The following DLGAP1 variants were observed in gnomAD, a reference collection of about 807,000 sequenced individuals.
DLGAP1 encodes the protein disks large-associated protein 1.
In DLGAP1, 11 loss-of-function variants were observed where a neutral mutation model predicts 90.8. The observed-to-expected ratio is 0.12, with a 90% confidence interval of 0.08 to 0.20. The LOEUF (loss-of-function observed/expected upper bound fraction) is 0.20, where lower values mean the gene tolerates loss of function less well. Ranked by LOEUF, DLGAP1 falls within the 10% of genes least tolerant of loss-of-function variation. DLGAP1 has a pLI of 1.00. For synonymous variants in DLGAP1, 558 were observed against 540.7 expected (o/e 1.03, Z -0.44); for missense variants, 1,050 against 1,333.8 (o/e 0.79, Z 3.31).
intron 5 of DLGAP1, among the ~76,000 whole-genome samples, chr18:3,800,913 G>A (rs2066258871): frequency 6.6e-6 from 1 of 152,052 alleles, no homozygotes; most frequent in Non-Finnish European, 1.5e-5. Context: ...ACTTGAAGCT[G>A]GGTAATTTAT....
intron 7 of DLGAP1, among the ~76,000 whole-genome samples, chr18:3,601,980 G>A (rs2057060069): frequency 2.0e-5 from 3 of 152,088 alleles, no homozygotes; most frequent in Admixed American, 6.6e-5. Context: ...CTGCACTCCA[G>A]CCTGGGCTAC....
chr18:3,800,301 C>T (rs866613374), intron 5 of DLGAP1, among the ~76,000 whole-genome samples: 1 of 152,212 alleles, frequency 6.6e-6, no homozygotes, highest in South Asian at 2.1e-4. Context: ...CCTGTACTCC[C>T]ATGACCATGC....
intron 3 of DLGAP1, among the ~76,000 whole-genome samples, chr18:3,928,532 G>A (rs183057578): frequency 5.9e-5 from 9 of 152,196 alleles, no homozygotes; most frequent in East Asian, 1.9e-4. Flanking sequence ...GAATAGCTCC[G>A]TCATATAGAG....
rs79148977 is a variant in DLGAP1, at chr18:4,319,229, G to A, written c.-267+135777C>T. Among the ~76,000 whole-genome samples the A allele has an allele frequency of 2.6e-3, 393 of 152,196 alleles. 7 individuals are homozygous for A. In the East Asian group the frequency reaches 0.034, roughly 13 times the overall value. ...TTGTTTTACTAAGAGCTACCTCTGT[G>A]GTAACAGTTTAAAAATTTATAAATG... is the stretch of plus-strand genomic sequence containing the variant. On this transcript the variant is annotated intron_variant, in intron 1 of 12. Transcript: ENST00000315677.
intron 1 of DLGAP1, among the ~76,000 whole-genome samples, chr18:4,268,869 T>C (rs2079191163): frequency 6.6e-6 from 1 of 152,094 alleles, no homozygotes; most frequent in Non-Finnish European, 1.5e-5. Flanking sequence ...TTTTAAGAAA[T>C]TACACAATAC....
chr18:3,832,060 A>C (rs544362427), intron 4 of DLGAP1, among the ~76,000 whole-genome samples: 179 of 152,334 alleles, frequency 1.2e-3, no homozygotes, highest in African/African-American at 4.1e-3. Context: ...TTTGATGGTA[A>C]AAACTGTAAT....
chr18:3,719,143 T>C (rs942999054), intron 7 of DLGAP1, among the ~76,000 whole-genome samples: 9 of 152,098 alleles, frequency 5.9e-5, no homozygotes, highest in African/African-American at 2.2e-4. Context: ...GCAAAGAGAC[T>C]TGAAGGGAGG....
At chr18:3,926,351 C>G (rs1001824861) in intron 3 of DLGAP1, among the ~76,000 whole-genome samples, 2 of 151,566 alleles carry the variant, frequency 1.3e-5, no homozygotes, top group African/African-American at 4.9e-5. Context: ...GCCAAATGTC[C>G]CTGGGGGCAA....
chr18:3,673,801 C>T (rs2060186838), intron 7 of DLGAP1, among the ~76,000 whole-genome samples: 1 of 151,348 alleles, frequency 6.6e-6, no homozygotes, highest in Non-Finnish European at 1.5e-5. Flanking sequence ...CTGCCTCGGC[C>T]TCCCAAAGTG....
intron 3 of DLGAP1, among the ~76,000 whole-genome samples, chr18:3,919,112 G>T (rs2072211723): frequency 6.6e-6 from 1 of 152,220 alleles, no homozygotes; most frequent in Non-Finnish European, 1.5e-5. Flanking sequence ...CAACAAGAAA[G>T]ATTGGTCAAA....
intron 3 of DLGAP1, among the ~76,000 whole-genome samples, chr18:3,919,899 CAT>C (rs1292759753): frequency 6.6e-6 from 1 of 152,204 alleles, no homozygotes; most frequent in Non-Finnish European, 1.5e-5. Flanking sequence ...AGAGTGAACA[CAT>C]AGCACTGTGA....
intron 3 of DLGAP1, among the ~76,000 whole-genome samples, chr18:3,905,607 TCCCATTGC>T (rs1374676949): frequency 6.6e-6 from 1 of 152,080 alleles, no homozygotes. Flanking sequence ...TAAAAGTTAT[TCCCATTGC>T]CCCTCTGGAA....
chr18:3,568,887 T>C lies in DLGAP1; in HGVS notation c.1966-1306A>G, dbSNP rs370169564. Among the ~76,000 whole-genome samples, 563 of 151,648 alleles carry C rather than the reference T, an allele frequency of 3.7e-3. 2 individuals are homozygous for C. The highest frequency in any genetic ancestry group is 0.015 in the East Asian group (78 of 5,122). On this transcript the variant is annotated intron_variant, in intron 8 of 12. Transcript: ENST00000315677. ...ATTTTTAGTAGAGACGGGGTTTCAC[T>C]GTGTTAGCCAGGATGGTCTCGATCT... is the stretch of plus-strand genomic sequence containing the variant.
intron 7 of DLGAP1, among the ~76,000 whole-genome samples, chr18:3,602,545 A>C (rs2057111687): frequency 7.1e-6 from 1 of 140,416 alleles, no homozygotes; most frequent in African/African-American, 2.6e-5. Flanking sequence ...CAGGGAGCCG[A>C]GATCGCGCCA....
chr18:3,743,575 C>T (rs1417187422), intron 5 of DLGAP1, among the ~76,000 whole-genome samples: 1 of 151,934 alleles, frequency 6.6e-6, no homozygotes. Flanking sequence ...AGGATGGTCT[C>T]GATCTCCTGA....
At chr18:4,151,798 T>C (rs1346135141) in intron 1 of DLGAP1, among the ~76,000 whole-genome samples, 1 of 152,202 alleles carries the variant, frequency 6.6e-6, no homozygotes, top group African/African-American at 2.4e-5. Context: ...AGTGTGCTAC[T>C]AGAGACTTGC....
intron 2 of DLGAP1, among the ~76,000 whole-genome samples, chr18:4,043,955 C>T (rs141779141): frequency 3.4e-4 from 52 of 152,196 alleles, no homozygotes; most frequent in Non-Finnish European, 4.6e-4. Flanking sequence ...CATTGTGTAA[C>T]GAAGACAGAC....
chr18:3,792,903 G>GCCACCGT lies in DLGAP1; in HGVS notation c.1172+21149_1172+21155dup, dbSNP rs2065802644. On this transcript the variant is annotated intron_variant, in intron 5 of 12. Coordinates refer to ENST00000315677, the MANE Select transcript of DLGAP1 (RefSeq NM_004746.4). Reference sequence around the variant, plus strand: ...ATGCTGCTGCCATCTGTGAAGCCTGGCCACCGTGCTTCTTCCTCCACCTGC... The same window carrying GCCACCGT: ...ATGCTGCTGCCATCTGTGAAGCCTGGCCACCGTCCACCGTGCTTCTTCCTCCACCTGC... Among the ~76,000 whole-genome samples the GCCACCGT allele has an allele frequency of 2.0e-5, 3 of 152,260 alleles. No homozygotes were observed. In the South Asian group the frequency reaches 6.2e-4, roughly 32 times the overall value.
chr18:3,799,955 C>A (rs1194272707), intron 5 of DLGAP1, among the ~76,000 whole-genome samples: 1 of 152,098 alleles, frequency 6.6e-6, no homozygotes, highest in Non-Finnish European at 1.5e-5. Context: ...CTGGAAAATT[C>A]TAACTGTTGA....
Sources: allele counts gnomAD v4.1 joint callset (sites outside exome capture counted in the v4.1 genomes callset), GRCh38; gene constraint gnomAD v4.1.1; transcripts MANE v1.5; gene names NCBI Gene and HGNC (gene_info 2026-07-23, HGNC 2026-07-21).